The following TICAM2 variants were observed in gnomAD, a reference collection of about 807,000 sequenced individuals.
The protein encoded by TICAM2 is TIR domain containing adaptor molecule 2, also known as TIR domain-containing adapter molecule 2.
Under a neutral mutation model 7.3 loss-of-function variants are expected in TICAM2, and 8 were observed. The observed-to-expected ratio is 1.10, with a 90% CI of 0.65 to 1.99. The LOEUF (loss-of-function observed/expected upper bound fraction) is 1.99. Among genes scored for constraint, TICAM2 ranks in the 30% most tolerant of loss-of-function variants. The pLI, the probability that TICAM2 is intolerant of heterozygous loss-of-function variation, is 0.00. For missense variants in TICAM2, 304 were observed against 278.8 expected (o/e 1.09, Z -0.65); for synonymous variants, 113 against 99.6 (o/e 1.13, Z -0.80).
chr5:115,602,095 G>T lies in TICAM2; in HGVS notation c.-60+2C>A, dbSNP rs966168070. 15 of 151,988 alleles carry T rather than the reference G, an allele frequency of 9.9e-5. No homozygotes were observed. Among genetic ancestry groups the T allele is most frequent in the African/African-American group, 3.1e-4 (13 of 41,382 alleles). 9.4% of individuals were successfully genotyped at this position (151,988 alleles called of 1,614,324 possible). ...GCCCCCGCCCTAGCGCCCGGTACTT[G>T]CCTGCAGGCGAGCGCCACCACAGTC... On this transcript the variant is annotated splice_donor_variant, in intron 1 of 1. Transcript: ENST00000427199. LOFTEE classifies it low-confidence loss of function (5UTR_SPLICE).
At chr5:115,600,848 G>A (rs1020451465) in intron 1 of TICAM2, among the ~76,000 whole-genome samples, 5 of 152,120 alleles carry the variant, frequency 3.3e-5, no homozygotes, top group East Asian at 1.9e-4. Context: ...GTAGGGGAGC[G>A]GGACCTAGAA....
At chr5:115,596,060 A>G (rs550711991) in intron 1 of TICAM2, among the ~76,000 whole-genome samples, 1 of 152,254 alleles carries the variant, frequency 6.6e-6, no homozygotes, top group East Asian at 1.9e-4. Context: ...TTGTCCTGTT[A>G]TTACCCAAAA....
intron 1 of TICAM2, among the ~76,000 whole-genome samples, chr5:115,588,034 C>T (rs13153948): frequency 0.023 from 3,553 of 152,100 alleles, 57 homozygotes; most frequent in Non-Finnish European, 0.034. Flanking sequence ...GTGGTCAGCA[C>T]CCACGGCTGC....
At chr5:115,598,908 T>C (rs766531836) in intron 1 of TICAM2, among the ~76,000 whole-genome samples, 1 of 152,048 alleles carries the variant, frequency 6.6e-6, no homozygotes, top group Non-Finnish European at 1.5e-5. Context: ...GATGAAAATA[T>C]TGTTTTTCAT....
chr5:115,581,580 C>T, intron 1 of TICAM2: 1 of 378,926 alleles, frequency 2.6e-6, no homozygotes, highest in Non-Finnish European at 4.7e-6. Context: ...GTTATATTAG[C>T]ACTACAAACC....
Position 115,580,630 on chromosome 5 carries a change from A to T in TICAM2, c.627T>A (p.Ile209=). 4 of 1,588,304 alleles carry T rather than the reference A, an allele frequency of 2.5e-6. No individual in the cohort carries two copies. Among genetic ancestry groups the T allele is most frequent in the Non-Finnish European group, 3.4e-6 (4 of 1,171,626 alleles). ...GTGTCTTATACACAGACTCCTGAAA[A>T]ATTCTTTCTACTTGTGTAGGAAATC... ...SRGFPTQVER[I]FQESVYKTQQ... Residue 209 remains isoleucine (I), a synonymous_variant, in exon 2 of 2, where the codon ATT becomes ATA. Transcript: ENST00000427199.
chr5:115,594,576 C>T (rs2127203314), intron 1 of TICAM2, among the ~76,000 whole-genome samples: 1 of 152,292 alleles, frequency 6.6e-6, no homozygotes, highest in South Asian at 2.1e-4. Flanking sequence ...GTCTGAATGG[C>T]AGCTTGACAA....
At chr5:115,589,412 GGAACAGAAT>G (rs1430972652) in intron 1 of TICAM2, among the ~76,000 whole-genome samples, 2 of 152,316 alleles carry the variant, frequency 1.3e-5, no homozygotes, top group Middle Eastern at 3.4e-3. Flanking sequence ...AGTATTTTCA[GGAACAGAAT>G]GAGTTGAATT....
chr5:115,580,972 T>C lies in TICAM2; in HGVS notation c.285A>G (p.Arg95=), dbSNP rs1754900190. The part of the protein sequence containing the change: ...HAEDDTDEAL[R]VQNLLQDDFG... ...AGTCATCTTGTAGCAGATTCTGGAC[T>C]CTGAGGGCTTCATCTGTGTCATCTT... The change falls in exon 2 of 2, where the codon AGA becomes AGG. Residue 95 remains arginine, a synonymous_variant. Coordinates refer to ENST00000427199, the MANE Select transcript of TICAM2 (RefSeq NM_021649.7). 1 of 1,613,714 alleles carries C rather than the reference T, an allele frequency of 6.2e-7. No homozygotes were observed. Among genetic ancestry groups the C allele is most frequent in the East Asian group, 2.2e-5 (1 of 44,896 alleles).
intron 1 of TICAM2, among the ~76,000 whole-genome samples, chr5:115,590,135 G>T (rs1056534407): frequency 6.6e-6 from 1 of 152,034 alleles, no homozygotes; most frequent in African/African-American, 2.4e-5. Context: ...ATCACTTATG[G>T]CCAGGAGTTT....
intron 1 of TICAM2, among the ~76,000 whole-genome samples, chr5:115,596,234 A>T (rs556131149): frequency 2.0e-5 from 3 of 152,234 alleles, no homozygotes; most frequent in Admixed American, 6.5e-5. Context: ...GGTCTTCTGC[A>T]CTGCCTCCTA....
At chr5:115,584,240 A>G (rs1755027162) in intron 1 of TICAM2, among the ~76,000 whole-genome samples, 1 of 152,192 alleles carries the variant, frequency 6.6e-6, no homozygotes, top group East Asian at 1.9e-4. Flanking sequence ...TCCTTTTCAA[A>G]AAAAGTATCA....
chr5:115,596,718 G>T (rs1291056089), intron 1 of TICAM2, among the ~76,000 whole-genome samples: 1 of 152,212 alleles, frequency 6.6e-6, no homozygotes, highest in Non-Finnish European at 1.5e-5. Flanking sequence ...AGGAGATCAA[G>T]ACCATCCTGA....
intron 1 of TICAM2, among the ~76,000 whole-genome samples, chr5:115,582,798 C>CT (rs1257003573): frequency 6.6e-6 from 1 of 152,300 alleles, no homozygotes; most frequent in African/African-American, 2.4e-5. Context: ...AGTAACATGG[C>CT]TACATATGCC....
chr5:115,601,271 A>C (rs1448633834), intron 1 of TICAM2, among the ~76,000 whole-genome samples: 1 of 152,234 alleles, frequency 6.6e-6, no homozygotes, highest in Non-Finnish European at 1.5e-5. Context: ...AATTAAATTA[A>C]ACAATAAAAA....
intron 1 of TICAM2, among the ~76,000 whole-genome samples, chr5:115,598,463 TAA>T (rs1053239751): frequency 4.6e-5 from 7 of 152,152 alleles, no homozygotes; most frequent in Non-Finnish European, 1.5e-5. Context: ...CTTGAGCAAG[TAA>T]ATGTTTAAAA....
chr5:115,579,861 T>G lies in TICAM2; in HGVS notation c.*688A>C, dbSNP rs1025560904. 1 of 152,158 alleles carries G rather than the reference T, an allele frequency of 6.6e-6. No homozygotes were observed. The highest frequency in any genetic ancestry group is 1.9e-4 in the East Asian group (1 of 5,190). 9.4% of individuals were successfully genotyped at this position (152,158 alleles called of 1,614,324 possible). On this transcript the variant is annotated 3_prime_UTR_variant, in exon 2 of 2. Coordinates refer to ENST00000427199, the MANE Select transcript of TICAM2 (RefSeq NM_021649.7). ...AAATGATGACTAATATGAAGAGATT[T>G]AAGCCCCAGGGGACGTCTGAACACC...
At chr5:115,585,145 T>G (rs1755057541) in intron 1 of TICAM2, among the ~76,000 whole-genome samples, 1 of 152,214 alleles carries the variant, frequency 6.6e-6, no homozygotes, top group Non-Finnish European at 1.5e-5. Flanking sequence ...ATCTGTAAAA[T>G]AATTATAGTC....
chr5:115,581,176 T>C lies in TICAM2; in HGVS notation c.81A>G (p.Pro27=). ...WGKRHSVDTS[P]GYHESDSKKS... ...TCTTGGAATCTGACTCATGATATCC[T>C]GGACTTGTATCCACACTGTGCCTTT... Residue 27 remains proline (P), a synonymous_variant, in exon 2 of 2, where the codon CCA becomes CCG. Coordinates refer to ENST00000427199, the MANE Select transcript of TICAM2 (RefSeq NM_021649.7). 6.2e-7 allele frequency: 1 copy of C among 1,613,760 alleles called. No homozygotes were observed. Among genetic ancestry groups the C allele is most frequent in the Non-Finnish European group, 8.5e-7 (1 of 1,179,996 alleles).
Sources: allele counts gnomAD v4.1 joint callset (sites outside exome capture counted in the v4.1 genomes callset), GRCh38; gene constraint gnomAD v4.1.1; transcripts MANE v1.5; gene names NCBI Gene and HGNC (gene_info 2026-07-23, HGNC 2026-07-21).